Variants in PCF11 observed in about 807,000 individuals in gnomAD.
PCF11 encodes the protein pre-mRNA cleavage complex 2 protein Pcf11.
Under a neutral mutation model 166.1 loss-of-function variants are expected in PCF11, and 19 were observed. The observed-to-expected ratio is 0.11, with a 90% CI of 0.08 to 0.17. PCF11 has a LOEUF of 0.17. Among genes scored for constraint, PCF11 ranks in the 10% least tolerant of loss-of-function variants. The pLI, the probability that PCF11 is intolerant of heterozygous loss-of-function variation, is 1.00. For missense variants in PCF11, 1,565 were observed against 1,855.5 expected (o/e 0.84, Z 2.88); for synonymous variants, 663 against 644.1 (o/e 1.03, Z -0.44).
Position 83,176,065 on chromosome 11 carries a change from TC to T in PCF11, c.3758-1018del, listed in dbSNP as rs1860868495. 2.0e-5 allele frequency among the ~76,000 whole-genome samples: 3 copies of T among 152,206 alleles called. No homozygotes were observed. In the South Asian group the frequency reaches 6.2e-4, roughly 32 times the overall value. ...AGGGAGCATTGAGGTCAGGAGTACT[TC>T]CACTTAGGCTTAGTGCTAAGGGGTA... On this transcript the variant is annotated intron_variant, in intron 9 of 15. Coordinates refer to ENST00000298281, the Ensembl canonical transcript of PCF11.
At chr11:83,182,425 T>C in exon 14 of PCF11, 1 of 1,574,074 alleles carries the variant, frequency 6.4e-7, no homozygotes. Flanking sequence ...AAGAACAATT[T>C]GAACAATACT....
chr11:83,176,714 C>A (rs1442883965), intron 9 of PCF11, among the ~76,000 whole-genome samples: 1 of 151,952 alleles, frequency 6.6e-6, no homozygotes, highest in African/African-American at 2.4e-5. Context: ...GGAGGGATAG[C>A]ATTAGGAGAA....
chr11:83,163,645 C>G, intron 2 of PCF11, 34 bp from the exon 3 acceptor site: 1 of 835,324 alleles, frequency 1.2e-6, no homozygotes, highest in Non-Finnish European at 1.7e-6. Flanking sequence ...TCTATAGTAA[C>G]TTAACAAGCC....
exon 16 of PCF11, chr11:83,186,757 T>G (rs939810825): frequency 2.6e-4 from 40 of 152,226 alleles, no homozygotes; most frequent in African/African-American, 9.4e-4. Context: ...TGTAAACACG[T>G]AACAGCTGAA....
chr11:83,182,091 T>C (rs1861105226), intron 13 of PCF11, 82 bp downstream of exon 13: 2 of 1,057,214 alleles, frequency 1.9e-6, no homozygotes, highest in South Asian at 1.9e-5. Context: ...CACATCACTA[T>C]ATTTATATCC....
At chr11:83,182,722 G>A (rs1590940653) in intron 14 of PCF11, among the ~76,000 whole-genome samples, 1 of 152,148 alleles carries the variant, frequency 6.6e-6, no homozygotes, top group Non-Finnish European at 1.5e-5. Flanking sequence ...ACAGACCCAG[G>A]ACTAGGTCTT....
chr11:83,162,843 C>T (rs768222495), intron 2 of PCF11, among the ~76,000 whole-genome samples: 4 of 152,172 alleles, frequency 2.6e-5, no homozygotes, highest in Admixed American at 6.5e-5. Context: ...GGCACAATCT[C>T]GGCTCACTGC....
chr11:83,175,005 A>G (rs1860825246), intron 9 of PCF11, among the ~76,000 whole-genome samples: 1 of 152,250 alleles, frequency 6.6e-6, no homozygotes, highest in Non-Finnish European at 1.5e-5. Flanking sequence ...TACAGTGGTT[A>G]AGGGTAGGGA....
At chr11:83,157,496 T>G (rs1226706046) in exon 1 of PCF11, 1 of 1,613,544 alleles carries the variant, frequency 6.2e-7, no homozygotes, top group Admixed American at 1.7e-5. Flanking sequence ...AGGACGCCTG[T>G]CGGGATTATC....
chr11:83,173,550 T>C (rs1443057070), intron 9 of PCF11, among the ~76,000 whole-genome samples: 2 of 150,184 alleles, frequency 1.3e-5, no homozygotes, highest in Non-Finnish European at 3.0e-5. Context: ...AATCAAATGA[T>C]ATAGTATATG....
exon 16 of PCF11, chr11:83,186,425 T>TG (rs1861294149): frequency 1.3e-5 from 2 of 152,260 alleles, no homozygotes; most frequent in African/African-American, 4.8e-5. Flanking sequence ...TTAGTAGAAA[T>TG]GGAGTCTCAC....
At chr11:83,169,957 G>A (rs2135429824) in exon 8 of PCF11, 1 of 1,603,646 alleles carries the variant, frequency 6.2e-7, no homozygotes, top group Non-Finnish European at 8.5e-7. Context: ...CAATATACCT[G>A]CTCCAATGAC....
exon 8 of PCF11, chr11:83,168,989 C>G (rs1221038344): frequency 1.9e-6 from 3 of 1,613,714 alleles, no homozygotes; most frequent in Admixed American, 1.7e-5. Flanking sequence ...CGTGGTCAAC[C>G]TGTGGGTGGT....
exon 8 of PCF11, chr11:83,169,891 T>A (rs1360490279): frequency 6.2e-7 from 1 of 1,612,878 alleles, no homozygotes; most frequent in Admixed American, 1.7e-5. Flanking sequence ...TAACAGAGCT[T>A]CTGGACACTA....
At chr11:83,164,524 AT>A in intron 4 of PCF11, 123 bp downstream of exon 4, 1 of 696,562 alleles carries the variant, frequency 1.4e-6, no homozygotes, top group Non-Finnish European at 2.4e-6. Flanking sequence ...TTTCACTTTT[AT>A]TTTACAAATG....
At chr11:83,157,796 T>G (rs1306950034) in intron 1 of PCF11, 165 bp downstream of exon 1, 5 of 637,868 alleles carry the variant, frequency 7.8e-6, no homozygotes, top group African/African-American at 7.3e-5. Flanking sequence ...GCTTCGAGCA[T>G]GGGCCTCTGG....
chr11:83,184,892 T>G (rs750489006), exon 16 of PCF11: 6 of 1,536,240 alleles, frequency 3.9e-6, no homozygotes, highest in Non-Finnish European at 5.2e-6. Flanking sequence ...CGAGTCAGTT[T>G]AAATAAAATG....
chr11:83,170,006 T>C lies in PCF11; in HGVS notation c.3660+11T>C. 6.4e-7 allele frequency: 1 copy of C among 1,554,446 alleles called. No homozygotes were observed. Among genetic ancestry groups the C allele is most frequent in the Non-Finnish European group, 8.6e-7 (1 of 1,157,756 alleles). ...CAGGCATCTCAACAGGTAAGTCTGT[T>C]ATTCTAAAATTGCGTTGTATGCAGA... On this transcript the variant is annotated intron_variant, in intron 8 of 15. Coordinates refer to ENST00000298281, the Ensembl canonical transcript of PCF11.
chr11:83,179,914 C>T (rs1861027887), intron 11 of PCF11, among the ~76,000 whole-genome samples: 1 of 151,428 alleles, frequency 6.6e-6, no homozygotes, highest in Non-Finnish European at 1.5e-5. Flanking sequence ...CGCGAGACTC[C>T]GTCTCCAAAA....
Sources: gnomAD v4.1 joint callset for allele counts (sites outside exome capture counted in the v4.1 genomes callset) on GRCh38, gnomAD v4.1.1 for gene constraint, MANE v1.5 for transcripts, NCBI Gene and HGNC (gene_info 2026-07-23, HGNC 2026-07-21) for gene names.